The following TRAFD1 variants were observed in gnomAD, a reference collection of about 807,000 sequenced individuals.
The protein encoded by TRAFD1 is TRAF-type zinc finger domain containing 1.
Under a neutral mutation model 65.3 loss-of-function variants are expected in TRAFD1, and 38 were observed. The ratio of observed to expected loss-of-function variants is 0.58; its 90% CI spans 0.45 to 0.76. The LOEUF is 0.76. Among genes scored for constraint, TRAFD1 ranks in the 30% least tolerant of loss-of-function variants. The pLI, the probability that TRAFD1 is intolerant of heterozygous loss-of-function variation, is 0.00. For synonymous variants in TRAFD1, 223 were observed against 257.2 expected (o/e 0.87, Z 1.27); for missense variants, 631 against 712.6 (o/e 0.89, Z 1.30).
intron 1 of TRAFD1, among the ~76,000 whole-genome samples, chr12:112,129,016 G>C (rs912287536): frequency 4.4e-5 from 6 of 137,774 alleles, no homozygotes; most frequent in African/African-American, 1.6e-4. Context: ...AGACAGCAGA[G>C]TGAGACTCTG....
At chr12:112,143,296 G>C (rs1268976544) in intron 6 of TRAFD1, among the ~76,000 whole-genome samples, 1 of 152,152 alleles carries the variant, frequency 6.6e-6, no homozygotes, top group Admixed American at 6.5e-5. Flanking sequence ...AGCCAGGATT[G>C]TCTCGATCTC....
chr12:112,134,429 T>C (rs1460419528), intron 2 of TRAFD1, among the ~76,000 whole-genome samples: 1 of 151,534 alleles, frequency 6.6e-6, no homozygotes, highest in Non-Finnish European at 1.5e-5. Context: ...CTAATTTTTA[T>C]ATTTTTAGTA....
intron 7 of TRAFD1, among the ~76,000 whole-genome samples, chr12:112,147,062 C>T (rs1398078090): frequency 3.6e-5 from 5 of 137,418 alleles, no homozygotes; most frequent in East Asian, 2.2e-4. Context: ...CGCAGTGACG[C>T]GATCGGGGCT....
At position 112,130,580 on chromosome 12, in the gene TRAFD1, A is replaced by G; in HGVS notation, c.47+11A>G. ...ACTGTGTGACAACTGGTAAGACATT[A>G]AATCTAAGAAATGTTAGTGGAATGA... is the stretch of plus-strand genomic sequence containing the variant. On this transcript the variant is annotated intron_variant, in intron 2 of 11. Transcript: ENST00000412615. This position sits in a 1 kb window ranked among gnomAD's most constrained non-coding sequence, Gnocchi z 4.4. 1 of 1,609,182 alleles carries G rather than the reference A, an allele frequency of 6.2e-7. No homozygotes were observed. Among genetic ancestry groups the G allele is most frequent in the Non-Finnish European group, 8.5e-7 (1 of 1,176,708 alleles).
Position 112,141,123 on chromosome 12 carries a change from T to C in TRAFD1, c.542T>C (p.Leu181Pro). 6.2e-7 allele frequency: 1 copy of C among 1,614,170 alleles called. No homozygotes were observed. Among genetic ancestry groups the C allele is most frequent in the Middle Eastern group, 1.6e-4 (1 of 6,062 alleles). The change falls in exon 5 of 12, where the codon CTG becomes CCG. Residue 181 changes from leucine to proline, a missense_variant. Physicochemically the swap from Leu to Pro is moderately conservative, Grantham distance 98 (BLOSUM62 -3). Coordinates refer to ENST00000412615, the MANE Select transcript of TRAFD1 (RefSeq NM_006700.3). ...GAGGCTCTGGACCCACCCATGAGGC[T>C]GCCGCGAAGGCCCCTGAGAGCCTTT... is the stretch of plus-strand genomic sequence containing the variant. The part of the protein sequence containing the change: ...QIEALDPPMR[L>P]PRRPLRAFES...
In TRAFD1 at chr12:112,152,813, A is replaced by G. The variant is rs1282382472; in HGVS notation, c.*22A>G. On this transcript the variant is annotated 3_prime_UTR_variant, in exon 12 of 12. Transcript: ENST00000412615. This position sits in a 1 kb window ranked among gnomAD's most constrained non-coding sequence, Gnocchi z 5.0. ...GTAATGGTGTCTCCAGAGACTTTAC[A>G]TCGGTTCCTGTCTTCTGTGCACAGC... 1.1e-5 allele frequency: 18 copies of G among 1,613,812 alleles called. No homozygotes were observed. Among genetic ancestry groups the G allele is most frequent in the Non-Finnish European group, 1.4e-5 (17 of 1,179,944 alleles).
rs974920018 is a variant in TRAFD1 at position 112,137,862 on chromosome 12, A to G, written c.237+2796A>G. 6.6e-6 allele frequency among the ~76,000 whole-genome samples: 1 copy of G among 152,236 alleles called. No homozygotes were observed. Among genetic ancestry groups the G allele is most frequent in the South Asian group, 2.1e-4 (1 of 4,836 alleles). On this transcript the variant is annotated intron_variant, in intron 4 of 11. Transcript: ENST00000412615. This position sits in a 1 kb window ranked among gnomAD's most constrained non-coding sequence, Gnocchi z 4.2. ...TACATATGTAAAAATTCACCAAGGTATATACTTAAAGATTTGTGCATTTCA... is the reference window on the plus strand; with the variant it reads ...TACATATGTAAAAATTCACCAAGGTGTATACTTAAAGATTTGTGCATTTCA...
rs771827170 is a variant in TRAFD1 at position 112,151,891 on chromosome 12, A to G, written c.1370A>G (p.Asn457Ser). ...CTGCCTCCCAGCCGACCCATTAACA[A>G]TATGACAGCTACCTATAACCAGCTA... ...SCLPPSRPINNMTATYNQLSR... is the reference protein window; with the variant it reads ...SCLPPSRPINSMTATYNQLSR... The change falls in exon 10 of 12, where the codon AAT becomes AGT. Residue 457 changes from asparagine to serine, a missense_variant. Transcript: ENST00000412615. 1.2e-6 allele frequency: 2 copies of G among 1,614,220 alleles called. No homozygotes were observed. Among genetic ancestry groups the G allele is most frequent in the South Asian group, 2.2e-5 (2 of 91,086 alleles).
chr12:112,142,064 A>G lies in TRAFD1; in HGVS notation c.644-25A>G, dbSNP rs774338679. The G allele has an allele frequency of 1.9e-6, 3 of 1,609,716 alleles. No individual in the cohort carries two copies. In the South Asian group the frequency reaches 3.3e-5, roughly 18 times the overall value. ...TGGTAACATTTCTAATGTATCCTGA[A>G]TGTTGGTTGGTTTTTTTTTTTCAGT... On this transcript the variant is annotated intron_variant, in intron 5 of 11. Coordinates refer to ENST00000412615, the MANE Select transcript of TRAFD1 (RefSeq NM_006700.3).
intron 4 of TRAFD1, among the ~76,000 whole-genome samples, chr12:112,136,292 T>C (rs1566048227): frequency 2.0e-5 from 3 of 151,440 alleles, no homozygotes; most frequent in African/African-American, 7.3e-5. Flanking sequence ...TTTTTTTTTT[T>C]TTTTGAGATG....
chr12:112,152,115 G>A lies in TRAFD1; in HGVS notation c.1594G>A (p.Gly532Arg). The change falls in exon 10 of 12, where the codon GGG becomes AGG. Residue 532 changes from glycine (G) to arginine (R), a missense_variant. Gly to Arg is a moderately radical substitution (Grantham distance 125). Transcript: ENST00000412615. This position sits in a 1 kb window ranked among gnomAD's most constrained non-coding sequence, Gnocchi z 5.0. Reference sequence around the variant, plus strand: ...AAACATTGTGCCCTCTTTCTCCCCTGGGCCTTCAGGGAGATACGGAGCTAG... The same window carrying A: ...AAACATTGTGCCCTCTTTCTCCCCTAGGCCTTCAGGGAGATACGGAGCTAG... ...PENIVPSFSP[G>R]PSGRYGASGR... The A allele has an allele frequency of 6.2e-7, 1 of 1,613,134 alleles. No individual in the cohort carries two copies. Among genetic ancestry groups the A allele is most frequent in the Non-Finnish European group, 8.5e-7 (1 of 1,179,264 alleles).
Position 112,152,629 on chromosome 12 carries a change from G to A in TRAFD1, c.1693-106G>A. ...TTCAAAGATTGTTCCTTTGGCTTTT[G>A]AGAAGGAGGTTTCTAAGGAAGCGGG... On this transcript the variant is annotated intron_variant, in intron 11 of 11. Transcript: ENST00000412615. This position sits in a 1 kb window ranked among gnomAD's most constrained non-coding sequence, Gnocchi z 5.0. 6.3e-7 allele frequency: 1 copy of A among 1,598,824 alleles called. No homozygotes were observed. The highest frequency in any genetic ancestry group is 8.6e-7 in the Non-Finnish European group (1 of 1,169,050).
chr12:112,127,346 G>GTT (rs1411717929), intron 1 of TRAFD1, among the ~76,000 whole-genome samples: 1 of 152,164 alleles, frequency 6.6e-6, no homozygotes, highest in Non-Finnish European at 1.5e-5. Context: ...CAATACTCAA[G>GTT]TTATATGTAT....
Position 112,137,679 on chromosome 12 carries a change from G to A in TRAFD1, c.237+2613G>A, listed in dbSNP as rs932959912. Among the ~76,000 whole-genome samples, 17 of 151,998 alleles carry A rather than the reference G, an allele frequency of 1.1e-4. No individual in the cohort carries two copies. The highest frequency in any genetic ancestry group is 1.9e-4 in the East Asian group (1 of 5,166). On this transcript the variant is annotated intron_variant, in intron 4 of 11. Transcript: ENST00000412615. This position sits in a 1 kb window ranked among gnomAD's most constrained non-coding sequence, Gnocchi z 4.2. Reference sequence around the variant, plus strand: ...TGGGAGGCTGAGGCAGGAGAATGGCGTGAACCCGGGAGGCGGAGCTTGCAG... The same window carrying A: ...TGGGAGGCTGAGGCAGGAGAATGGCATGAACCCGGGAGGCGGAGCTTGCAG...
intron 6 of TRAFD1, among the ~76,000 whole-genome samples, chr12:112,143,676 C>T (rs1039794789): frequency 4.0e-5 from 6 of 150,358 alleles, no homozygotes; most frequent in Non-Finnish European, 8.9e-5. Context: ...ATTGTACCTC[C>T]TAATTTTTAA....
intron 8 of TRAFD1, 121 bp from the exon 9 acceptor site, chr12:112,149,630 A>G (rs2030346122): frequency 1.5e-6 from 2 of 1,377,296 alleles, no homozygotes; most frequent in Admixed American, 4.5e-5. Context: ...AGTTCCCAGA[A>G]CTTTCAGAGG....
In TRAFD1 at chr12:112,134,765, T is replaced by C. The variant is rs763890269; in HGVS notation, c.75T>C (p.Phe25=). 3.1e-6 allele frequency: 5 copies of C among 1,613,058 alleles called. No homozygotes were observed. Among genetic ancestry groups the C allele is most frequent in the Non-Finnish European group, 4.2e-6 (5 of 1,179,026 alleles). The change falls in exon 3 of 12, where the codon TTT becomes TTC. Residue 25 remains phenylalanine (F), a synonymous_variant. Coordinates refer to ENST00000412615, the MANE Select transcript of TRAFD1 (RefSeq NM_006700.3). The part of the protein sequence containing the change: ...NCKKEIPVFN[F]TIHEIHCQRN... The stretch of plus-strand genomic sequence containing the variant: ...AAAAAGAAATTCCTGTGTTTAACTT[T>C]ACCATCCATGAGATCCACTGTCAAA...
Position 112,152,718 on chromosome 12 carries a change from G to T in TRAFD1, c.1693-17G>T. On this transcript the variant is annotated splice_polypyrimidine_tract_variant and intron_variant, in intron 11 of 11. Coordinates refer to ENST00000412615, the MANE Select transcript of TRAFD1 (RefSeq NM_006700.3). This position sits in a 1 kb window ranked among gnomAD's most constrained non-coding sequence, Gnocchi z 5.0. ...ACTTTTTATGTAAAGCTTCGTTTGT[G>T]TTGTGTTGTTCACCAGGCAAAGCCT... 1 of 1,614,192 alleles carries T rather than the reference G, an allele frequency of 6.2e-7. No individual in the cohort carries two copies. The highest frequency in any genetic ancestry group is 8.5e-7 in the Non-Finnish European group (1 of 1,180,026).
Position 112,140,896 on chromosome 12 carries a change from T to C in TRAFD1, c.315T>C (p.His105=), listed in dbSNP as rs1362884611. 1.9e-6 allele frequency: 3 copies of C among 1,614,064 alleles called. No homozygotes were observed. In the African/African-American group the frequency reaches 4.0e-5, roughly 22 times the overall value. Residue 105 remains histidine (H), a synonymous_variant, in exon 5 of 12, where the codon CAT becomes CAC. Transcript: ENST00000412615. ...TTTCCATTCTCAAACTGAAGGAACA[T>C]GAAGATTATTGTGGTGCCCGGACGG... The part of the protein sequence containing the change: ...LELSILKLKE[H]EDYCGARTEL...
Sources: gnomAD v4.1 joint callset for allele counts (sites outside exome capture counted in the v4.1 genomes callset) on GRCh38, gnomAD v4.1.1 for gene constraint, Gnocchi (gnomAD v3.1) non-coding constraint, MANE v1.5 for transcripts, NCBI Gene and HGNC (gene_info 2026-07-23, HGNC 2026-07-21) for gene names.